ANXA2: variants seen among roughly 807,000 people sequenced by gnomAD.
ANXA2 encodes annexin A2, also known as annexin II.
ANXA2 carries 28 observed loss-of-function variants against 47.3 expected under a neutral mutation model. The observed-to-expected ratio is 0.59, with a 90% CI of 0.44 to 0.81. The LOEUF is 0.81. Ranked by LOEUF, ANXA2 falls within the 40% of genes least tolerant of loss-of-function variation. The pLI, the probability that ANXA2 is intolerant of heterozygous loss-of-function variation, is 0.00. For missense variants in ANXA2, 384 were observed against 414.3 expected, an observed-to-expected ratio of 0.93 and a Z score of 0.64; for synonymous variants, 172 against 155.5, an observed-to-expected ratio of 1.11 and a Z score of -0.79.
intron 3 of ANXA2, among the ~76,000 whole-genome samples, chr15:60,372,608 C>A (rs1378871127): frequency 6.6e-6 from 1 of 151,888 alleles, no homozygotes; most frequent in Admixed American, 6.6e-5. Flanking sequence ...AGATTTTGGT[C>A]CAGTAGAAAA....
rs2062366091 is a variant in ANXA2, at chr15:60,352,543, C to A, written c.589-67G>T. On this transcript the variant is annotated intron_variant, in intron 8 of 12. Coordinates refer to ENST00000451270, the MANE Select transcript of ANXA2 (RefSeq NM_004039.3). This position sits in a 1 kb window ranked among gnomAD's most constrained non-coding sequence, Gnocchi z 4.2. ...ATGTAACGTCAAAAAAAATGTCATG[C>A]AAAAAAAACAAAAAAAGCTACACAT... 5.0e-5 allele frequency: 53 copies of A among 1,051,124 alleles called. No homozygotes were observed. The highest frequency in any genetic ancestry group is 2.8e-4 in the Admixed American group (12 of 42,938). 65.1% of individuals were successfully genotyped at this position (1,051,124 alleles called of 1,614,324 possible).
intron 1 of ANXA2, chr15:60,393,348 C>T: frequency 3.0e-6 from 3 of 1,000,988 alleles, no homozygotes; most frequent in Admixed American, 6.0e-5. Flanking sequence ...GCATGAAGCA[C>T]TTTCAGGGTT....
At chr15:60,348,278 C>T (rs1895819212) in intron 12 of ANXA2, among the ~76,000 whole-genome samples, 1 of 151,078 alleles carries the variant, frequency 6.6e-6, no homozygotes, top group South Asian at 2.1e-4. Flanking sequence ...ATTGCAAGGG[C>T]TGTCTGAAAT....
intron 1 of ANXA2, chr15:60,393,315 G>C (rs932601456): frequency 6.0e-6 from 6 of 998,742 alleles, no homozygotes; most frequent in Non-Finnish European, 6.0e-6. Flanking sequence ...GAAAGAGACC[G>C]GCAGGAAGAA....
chr15:60,368,760 G>GT (rs796516188), intron 3 of ANXA2, among the ~76,000 whole-genome samples: 140 of 151,984 alleles, frequency 9.2e-4, no homozygotes, highest in African/African-American at 3.0e-3. Context: ...CCATAAATGG[G>GT]TTTTTTTTAA....
chr15:60,383,426 G>C (rs774793960), intron 2 of ANXA2: 1 of 152,288 alleles, frequency 6.6e-6, no homozygotes, highest in African/African-American at 2.4e-5. Flanking sequence ...CTCACGCCCA[G>C]CCTTTCAGTG....
At chr15:60,358,134 T>A (rs2062460901) in intron 5 of ANXA2, among the ~76,000 whole-genome samples, 1 of 152,226 alleles carries the variant, frequency 6.6e-6, no homozygotes, top group Admixed American at 6.5e-5. Context: ...TTCTTGTCCT[T>A]CCATTTTTGC....
intron 3 of ANXA2, among the ~76,000 whole-genome samples, chr15:60,377,176 C>G (rs1301766974): frequency 4.6e-5 from 7 of 152,020 alleles, no homozygotes; most frequent in Admixed American, 3.9e-4. Context: ...ACACTTAAGG[C>G]AAAAGGCATT....
At chr15:60,371,890 G>A (rs1402552924) in intron 3 of ANXA2, among the ~76,000 whole-genome samples, 2 of 152,154 alleles carry the variant, frequency 1.3e-5, no homozygotes, top group Non-Finnish European at 2.9e-5. Context: ...GGTGGCTCAC[G>A]CCTATAATCC....
intron 4 of ANXA2, chr15:60,363,042 A>AC (rs2062541189): frequency 6.0e-5 from 9 of 149,486 alleles, no homozygotes; most frequent in African/African-American, 2.3e-4. Context: ...AAAAAAAAAA[A>AC]AAAAAAAAAA....
chr15:60,389,459 G>T (rs12594782), intron 1 of ANXA2, among the ~76,000 whole-genome samples: 3,233 of 152,202 alleles, frequency 0.021, 219 homozygotes, highest in Admixed American at 0.14. Context: ...TCCCACATGG[G>T]ACTCCCCAGT....
intron 9 of ANXA2, 124 bp from the exon 10 acceptor site, chr15:60,351,943 G>T: frequency 1.4e-6 from 1 of 702,600 alleles, no homozygotes; most frequent in Non-Finnish European, 2.5e-6. Flanking sequence ...CATCCTAGGA[G>T]CTTAGAGGTT....
intron 3 of ANXA2, among the ~76,000 whole-genome samples, chr15:60,375,022 G>T (rs1397457516): frequency 6.6e-6 from 1 of 152,184 alleles, no homozygotes; most frequent in Admixed American, 6.5e-5. Context: ...GCGCCCTCAA[G>T]AGAATATATT....
At position 60,370,934 on chromosome 15, in the gene ANXA2, C is replaced by T. The variant is rs2062701994; in HGVS notation, c.149-6411G>A. On this transcript the variant is annotated intron_variant, in intron 3 of 12. Coordinates refer to ENST00000451270, the MANE Select transcript of ANXA2 (RefSeq NM_004039.3). ...CTGATATGAGTGATCACAAAGTCAT[C>T]TAAGCAAAGGCTCTCCCCAAAGAAG... Among the ~76,000 whole-genome samples, 4 of 152,206 alleles carry T rather than the reference C, an allele frequency of 2.6e-5. No homozygotes were observed. In the South Asian group the frequency reaches 6.2e-4, roughly 24 times the overall value.
In ANXA2 at chr15:60,387,975, G is replaced by C. The variant is rs181626386; in HGVS notation, c.-11-1889C>G. On this transcript the variant is annotated intron_variant, in intron 1 of 12. Coordinates refer to ENST00000451270, the MANE Select transcript of ANXA2 (RefSeq NM_004039.3). ...GAGGCCGAGGCAGGCAGATCACGAG[G>C]TCAGGAGATAGAGACCAGCCTGGCC... 1.6e-4 allele frequency among the ~76,000 whole-genome samples: 24 copies of C among 152,200 alleles called. No individual in the cohort carries two copies. The East Asian group carries it at 4.3e-3, about 27-fold the overall frequency.
At chr15:60,392,520 GAGTAA>G (rs2063027088) in intron 1 of ANXA2, among the ~76,000 whole-genome samples, 1 of 7,062 alleles carries the variant, frequency 1.4e-4, no homozygotes, top group Non-Finnish European at 4.6e-4. Context: ...CCAAAAAGAA[GAGTAA>G]AAGTTTACAA....
chr15:60,371,621 G>A (rs1432599081), intron 3 of ANXA2, among the ~76,000 whole-genome samples: 1 of 152,192 alleles, frequency 6.6e-6, no homozygotes, highest in Non-Finnish European at 1.5e-5. Context: ...GTTTGATGAA[G>A]GTCTCGGGAG....
chr15:60,390,795 C>T (rs1167040564), intron 1 of ANXA2: 1 of 157,476 alleles, frequency 6.4e-6, no homozygotes, highest in Admixed American at 6.5e-5. Flanking sequence ...TCCATCAAAT[C>T]CCCTAGCAAT....
intron 4 of ANXA2, 102 bp from the exon 5 acceptor site, chr15:60,361,156 T>C: frequency 3.7e-6 from 3 of 804,808 alleles, no homozygotes; most frequent in South Asian, 1.5e-5. Context: ...AGGTTGTGAG[T>C]CTTTGACCAC....
Sources: gnomAD v4.1 joint callset for allele counts (sites outside exome capture counted in the v4.1 genomes callset) on GRCh38, gnomAD v4.1.1 for gene constraint, Gnocchi (gnomAD v3.1) non-coding constraint, MANE v1.5 for transcripts, NCBI Gene and HGNC (gene_info 2026-07-23, HGNC 2026-07-21) for gene names.